MTBP: variants seen among roughly 807,000 people sequenced by gnomAD.
MTBP encodes the protein mdm2-binding protein.
MTBP carries 101 observed loss-of-function variants against 117.0 expected under a neutral mutation model. That is an observed-to-expected ratio of 0.86 (90% CI 0.73 to 1.02). The LOEUF is 1.02. Ranked by LOEUF, MTBP falls within the 50% of genes least tolerant of loss-of-function variation. MTBP has a pLI of 0.00. For missense variants in MTBP, 970 were observed against 1,030.9 expected, an observed-to-expected ratio of 0.94 and a Z score of 0.81; for synonymous variants, 350 against 351.5, an observed-to-expected ratio of 1.00 and a Z score of 0.05.
intron 13 of MTBP, among the ~76,000 whole-genome samples, chr8:120,492,683 T>G (rs1173087640): frequency 6.6e-6 from 1 of 152,184 alleles, no homozygotes; most frequent in South Asian, 2.1e-4. Flanking sequence ...GCACAAAAAT[T>G]TACTCAAAAA....
At chr8:120,470,565 G>A (rs1331697314) in intron 10 of MTBP, among the ~76,000 whole-genome samples, 2 of 152,176 alleles carry the variant, frequency 1.3e-5, no homozygotes, top group African/African-American at 4.8e-5. Context: ...GTATACCTCA[G>A]TGGAAAAGGG....
chr8:120,490,445 T>G lies in MTBP; in HGVS notation c.1340-18T>G. On this transcript the variant is annotated intron_variant, in intron 12 of 21. Transcript: ENST00000305949. ...AGGGCATCATTAATGTTGACCTTTT[T>G]TTTTTCTTATTTCTCAGGTTTTCCT... 1 of 1,518,482 alleles carries G rather than the reference T, an allele frequency of 6.6e-7. No individual in the cohort carries two copies. 94.1% of individuals were successfully genotyped at this position (1,518,482 alleles called of 1,614,324 possible). A position where few individuals can be genotyped will look rare whatever the true frequency, so the allele number is the denominator to read the frequency against.
At chr8:120,485,878 A>G (rs543335497) in intron 11 of MTBP, among the ~76,000 whole-genome samples, 3 of 152,320 alleles carry the variant, frequency 2.0e-5, no homozygotes, top group African/African-American at 7.2e-5. Flanking sequence ...TGCGGCCTTC[A>G]GTGTGGCCAC....
At chr8:120,516,344 AAAAT>A (rs1814919221) in intron 18 of MTBP, among the ~76,000 whole-genome samples, 153 bp downstream of exon 18, 1 of 152,042 alleles carries the variant, frequency 6.6e-6, no homozygotes, top group Non-Finnish European at 1.5e-5. Context: ...ATAAGTTATA[AAAAT>A]AAATGATTTG....
Position 120,445,423 on chromosome 8 carries a change from T to G in MTBP, c.-48T>G. 6.6e-7 allele frequency: 1 copy of G among 1,511,988 alleles called. No homozygotes were observed. The highest frequency in any genetic ancestry group is 9.2e-7 in the Non-Finnish European group (1 of 1,090,530). 93.7% of individuals were successfully genotyped at this position (1,511,988 alleles called of 1,614,324 possible). ...GAAATGCGTCATAGCGCGCGTCTGT[T>G]TGGATGTGGAAGCCGAGACCTAAAG... On this transcript the variant is annotated 5_prime_UTR_variant, in exon 1 of 22. Transcript: ENST00000305949.
At chr8:120,495,994 A>C (rs910546842) in intron 13 of MTBP, among the ~76,000 whole-genome samples, 3 of 152,210 alleles carry the variant, frequency 2.0e-5, no homozygotes, top group African/African-American at 7.2e-5. Context: ...CTGAAAAATA[A>C]GTGTAAGAAA....
In MTBP at chr8:120,453,446, C is replaced by T. The variant is rs556803314; in HGVS notation, c.426-401C>T. Among the ~76,000 whole-genome samples, 171 of 151,764 alleles carry T rather than the reference C, an allele frequency of 1.1e-3. 1 individual carries two copies. Among genetic ancestry groups the T allele is most frequent in the African/African-American group, 4.0e-3 (165 of 41,370 alleles). On this transcript the variant is annotated intron_variant, in intron 4 of 21. Coordinates refer to ENST00000305949, the MANE Select transcript of MTBP (RefSeq NM_022045.5). ...TGCGTGACAGAGTCAGACCCTGTCT[C>T]AAAAGAAACCCAAAAACCAAAAATA...
In MTBP at chr8:120,518,784, G is replaced by T. The variant is rs756172888; in HGVS notation, c.2577G>T (p.Gln859His). ...ATGAATGTTTCACTGCATGCAGCCA[G>T]CGTCTCTTTGAAATCTCTAAGTTCT... Reference protein sequence around the residue: ...ETHECFTACSQRLFEISKFYL... With the variant: ...ETHECFTACSHRLFEISKFYL... The change falls in exon 20 of 22, where the codon CAG becomes CAT. Residue 859 changes from glutamine to histidine, a missense_variant. Transcript: ENST00000305949. 1.9e-6 allele frequency: 3 copies of T among 1,611,606 alleles called. No homozygotes were observed. The highest frequency in any genetic ancestry group is 1.1e-5 in the South Asian group (1 of 90,906).
At chr8:120,496,867 T>G (rs1164961113) in intron 13 of MTBP, among the ~76,000 whole-genome samples, 1 of 152,206 alleles carries the variant, frequency 6.6e-6, no homozygotes, top group Non-Finnish European at 1.5e-5. Context: ...GTAGTGCCTC[T>G]CTACAGGCAT....
intron 17 of MTBP, among the ~76,000 whole-genome samples, chr8:120,515,472 G>A (rs1814900021): frequency 6.6e-6 from 1 of 152,020 alleles, no homozygotes; most frequent in Admixed American, 6.6e-5. Context: ...AATGTTCTAA[G>A]CTGTTTGGTG....
chr8:120,458,264 T>C (rs1489907727), intron 7 of MTBP, among the ~76,000 whole-genome samples: 1 of 152,168 alleles, frequency 6.6e-6, no homozygotes, highest in East Asian at 1.9e-4. Context: ...TCTTTTTTCT[T>C]TCTAGTTTAA....
At chr8:120,499,672 A>G (rs183297882) in intron 14 of MTBP, among the ~76,000 whole-genome samples, 1 of 152,356 alleles carries the variant, frequency 6.6e-6, no homozygotes, top group Admixed American at 6.5e-5. Flanking sequence ...TTAATAATTA[A>G]TAAAGTTATT....
chr8:120,455,365 A>G (rs1813445936), intron 5 of MTBP, 70 bp from the exon 6 acceptor site: 2 of 840,630 alleles, frequency 2.4e-6, no homozygotes, highest in Middle Eastern at 3.7e-4. Flanking sequence ...TCAGTTCTTC[A>G]GGGTACTATT....
chr8:120,485,245 C>T (rs903369291), intron 11 of MTBP, among the ~76,000 whole-genome samples: 2 of 151,886 alleles, frequency 1.3e-5, no homozygotes, highest in Non-Finnish European at 2.9e-5. Flanking sequence ...TTTAATACTA[C>T]TTCAGCTATA....
At position 120,456,435 on chromosome 8, in the gene MTBP, G is replaced by GA. The variant is rs554951306; in HGVS notation, c.630-113dup. On this transcript the variant is annotated intron_variant, in intron 6 of 21. Transcript: ENST00000305949. Reference sequence around the variant, plus strand: ...CTTAATGGGTGTTTCATATTAATAGGAAAAATACAGCAATATAAATTTTGC... The same window carrying GA: ...CTTAATGGGTGTTTCATATTAATAGGAAAAAATACAGCAATATAAATTTTGC... 3.0e-3 allele frequency: 1,819 copies of GA among 612,916 alleles called. 3 individuals are homozygous for GA. Among genetic ancestry groups the GA allele is most frequent in the Middle Eastern group, 5.9e-3 (13 of 2,216 alleles). The allele number at this position is 612,916 out of a possible 1,614,324, so 38.0% of individuals were successfully genotyped here.
intron 13 of MTBP, among the ~76,000 whole-genome samples, chr8:120,494,553 G>C (rs539881061): frequency 6.6e-6 from 1 of 152,246 alleles, no homozygotes; most frequent in East Asian, 1.9e-4. Context: ...ATGTACGTAT[G>C]CTGCTATTTC....
At chr8:120,457,353 CA>C in intron 7 of MTBP, among the ~76,000 whole-genome samples, 1 of 152,170 alleles carries the variant, frequency 6.6e-6, no homozygotes, top group East Asian at 1.9e-4. Context: ...TGTAGATAGG[CA>C]AAACTAAACT....
chr8:120,518,395 A>G (rs1239946442), intron 19 of MTBP, among the ~76,000 whole-genome samples: 3 of 152,040 alleles, frequency 2.0e-5, no homozygotes, highest in Non-Finnish European at 4.4e-5. Context: ...CCCATAATAA[A>G]AAATAAATAT....
chr8:120,474,889 A>G (rs1813899935), intron 11 of MTBP, among the ~76,000 whole-genome samples: 1 of 152,070 alleles, frequency 6.6e-6, no homozygotes, highest in Non-Finnish European at 1.5e-5. Flanking sequence ...CATAATGAAA[A>G]AAGCAAGGTA....
Sources: gnomAD v4.1 joint callset for allele counts (sites outside exome capture counted in the v4.1 genomes callset) on GRCh38, gnomAD v4.1.1 for gene constraint, MANE v1.5 for transcripts, NCBI Gene and HGNC (gene_info 2026-07-23, HGNC 2026-07-21) for gene names.